PCCA: variants seen among roughly 807,000 people sequenced by gnomAD.
The protein encoded by PCCA is propionyl-CoA carboxylase subunit alpha.
A neutral mutation model predicts 101.3 loss-of-function variants in PCCA; 74 were observed. That is an observed-to-expected ratio of 0.73 (90% CI 0.61 to 0.89). PCCA has a LOEUF of 0.89. Among genes scored for constraint, PCCA ranks in the 40% least tolerant of loss-of-function variants. The pLI, the probability that PCCA is intolerant of heterozygous loss-of-function variation, is 0.00. For missense variants in PCCA, 891 were observed against 907.0 expected (o/e 0.98, Z 0.23); for synonymous variants, 294 against 313.6 (o/e 0.94, Z 0.66).
At chr13:100,366,615 C>G (rs543587608) in intron 18 of PCCA, among the ~76,000 whole-genome samples, 126 of 152,188 alleles carry the variant, frequency 8.3e-4, no homozygotes, top group African/African-American at 3.0e-3. Flanking sequence ...CTCAGACCTC[C>G]TTTTCTTTCC....
intron 16 of PCCA, among the ~76,000 whole-genome samples, chr13:100,324,650 A>C (rs929816807): frequency 6.6e-6 from 1 of 152,218 alleles, no homozygotes; most frequent in African/African-American, 2.4e-5. Context: ...GCAGAGAGAA[A>C]TGTACACAAA....
chr13:100,141,464 G>T (rs1332566800), intron 4 of PCCA, among the ~76,000 whole-genome samples: 1 of 152,104 alleles, frequency 6.6e-6, no homozygotes, highest in Non-Finnish European at 1.5e-5. Context: ...AGGCTGGAGT[G>T]CAGTGGCGTG....
intron 18 of PCCA, among the ~76,000 whole-genome samples, chr13:100,360,274 C>T (rs974206813): frequency 3.9e-5 from 6 of 152,002 alleles, no homozygotes; most frequent in African/African-American, 9.7e-5. Flanking sequence ...CCTCTTACTG[C>T]ATCCCTCCCA....
At chr13:100,473,712 C>A (rs2083198613) in intron 21 of PCCA, among the ~76,000 whole-genome samples, 1 of 152,170 alleles carries the variant, frequency 6.6e-6, no homozygotes, top group South Asian at 2.1e-4. Context: ...TAGCCTGCTC[C>A]GAGAGTGATT....
intron 6 of PCCA, among the ~76,000 whole-genome samples, chr13:100,164,602 A>C (rs564493780): frequency 6.6e-6 from 1 of 152,326 alleles, no homozygotes; most frequent in East Asian, 1.9e-4. Context: ...CACAGATCCA[A>C]ATATCATTCA....
intron 17 of PCCA, among the ~76,000 whole-genome samples, chr13:100,335,928 C>T (rs765625770): frequency 7.9e-5 from 12 of 152,174 alleles, no homozygotes; most frequent in African/African-American, 1.7e-4. Flanking sequence ...GAAGAGAGAA[C>T]GGGCCTGGAT....
Position 100,119,712 on chromosome 13 carries a change from G to A in PCCA, c.300+7651G>A, listed in dbSNP as rs145378917. ...GAGAATGTAATCTTTGAGCCTCCTGGCTTTAGACAGAAGGGTTTCCTTCAA... is the reference window on the plus strand; with the variant it reads ...GAGAATGTAATCTTTGAGCCTCCTGACTTTAGACAGAAGGGTTTCCTTCAA... On this transcript the variant is annotated intron_variant, in intron 4 of 23. Coordinates refer to ENST00000376285, the MANE Select transcript of PCCA (RefSeq NM_000282.4). Among the ~76,000 whole-genome samples, 1,152 of 152,032 alleles carry A rather than the reference G, an allele frequency of 7.6e-3. 5 individuals carry two copies. Among genetic ancestry groups the A allele is most frequent in the Non-Finnish European group, 0.013 (857 of 67,982 alleles).
intron 2 of PCCA, among the ~76,000 whole-genome samples, chr13:100,111,583 C>T (rs1422855385): frequency 6.6e-6 from 1 of 152,106 alleles, no homozygotes; most frequent in African/African-American, 2.4e-5. Context: ...ATTATAGAAC[C>T]CGATCATATC....
At chr13:100,190,935 A>G (rs775193788) in intron 6 of PCCA, among the ~76,000 whole-genome samples, 3 of 151,840 alleles carry the variant, frequency 2.0e-5, no homozygotes, top group Non-Finnish European at 4.4e-5. Context: ...TCTCTACTAA[A>G]AATACAAAAA....
intron 21 of PCCA, among the ~76,000 whole-genome samples, chr13:100,451,815 CCT>C (rs142968705): frequency 2.8e-3 from 12 of 4,244 alleles, no homozygotes; most frequent in African/African-American, 6.9e-3. Context: ...CTCTTCCTCT[CCT>C]CTCTCTCCTC....
intron 4 of PCCA, among the ~76,000 whole-genome samples, chr13:100,138,266 T>C (rs2051421740): frequency 6.6e-6 from 1 of 152,230 alleles, no homozygotes; most frequent in Non-Finnish European, 1.5e-5. Flanking sequence ...CGTGTAGTTT[T>C]TCTTCAAATT....
intron 21 of PCCA, among the ~76,000 whole-genome samples, chr13:100,502,969 C>T (rs752991553): frequency 9.2e-5 from 14 of 152,126 alleles, no homozygotes; most frequent in Non-Finnish European, 1.8e-4. Flanking sequence ...AGACCTAGGG[C>T]GTTAAAGCTG....
Position 100,275,653 on chromosome 13 carries a change from C to T in PCCA, c.1065+2307C>T, listed in dbSNP as rs1314531882. Among the ~76,000 whole-genome samples the T allele has an allele frequency of 3.3e-5, 5 of 152,022 alleles. No homozygotes were observed. The East Asian group carries it at 7.7e-4, about 23-fold the overall frequency. On this transcript the variant is annotated intron_variant, in intron 12 of 23. Transcript: ENST00000376285. ...AATTTCTAATTTTTAAAAATGTTTT[C>T]TTCTTGTCCAATCTCTGGCCTTTTT...
At chr13:100,380,484 T>C (rs2076164657) in intron 19 of PCCA, among the ~76,000 whole-genome samples, 2 of 152,216 alleles carry the variant, frequency 1.3e-5, no homozygotes, top group African/African-American at 4.8e-5. Context: ...AAAATGATTG[T>C]CATATAAATC....
intron 2 of PCCA, among the ~76,000 whole-genome samples, chr13:100,110,708 A>G (rs1429101612): frequency 3.3e-5 from 5 of 152,248 alleles, no homozygotes; most frequent in Non-Finnish European, 7.3e-5. Flanking sequence ...CTTACTTAGT[A>G]TCAGACTTCC....
intron 4 of PCCA, among the ~76,000 whole-genome samples, chr13:100,119,373 T>A (rs2049139047): frequency 6.6e-6 from 1 of 152,176 alleles, no homozygotes; most frequent in Admixed American, 6.5e-5. Flanking sequence ...CTTTTGTTGT[T>A]GAATTTCAAG....
intron 12 of PCCA, chr13:100,293,215 T>A (rs1350524516): frequency 4.2e-6 from 2 of 471,390 alleles, no homozygotes; most frequent in East Asian, 1.4e-4. Context: ...TGTTGATTGG[T>A]ACAGTGCAGG....
In PCCA at chr13:100,271,115, A is replaced by G. The variant is rs904508640; in HGVS notation, c.915-2081A>G. 6.6e-5 allele frequency among the ~76,000 whole-genome samples: 10 copies of G among 152,268 alleles called. No homozygotes were observed. In the South Asian group the frequency reaches 1.5e-3, roughly 22 times the overall value. ...CTCTGGATATCTAGCAGGGCTTTTG[A>G]AAAGGGCAAGGGCAAGATCAAATAG... On this transcript the variant is annotated intron_variant, in intron 11 of 23. Transcript: ENST00000376285.
intron 4 of PCCA, among the ~76,000 whole-genome samples, chr13:100,142,789 A>G (rs888224944): frequency 2.0e-5 from 3 of 152,034 alleles, no homozygotes; most frequent in Non-Finnish European, 2.9e-5. Context: ...GAACCTTCTT[A>G]CAGACTAGAT....
Sources: gnomAD v4.1 joint callset for allele counts (sites outside exome capture counted in the v4.1 genomes callset) on GRCh38, gnomAD v4.1.1 for gene constraint, MANE v1.5 for transcripts, NCBI Gene and HGNC (gene_info 2026-07-23, HGNC 2026-07-21) for gene names.